Variants in WWP1 observed in about 807,000 individuals in gnomAD.
WWP1 encodes NEDD4-like E3 ubiquitin-protein ligase WWP1.
In WWP1, 49 loss-of-function variants were observed where a neutral mutation model predicts 130.6. That is an observed-to-expected ratio of 0.38 (90% CI 0.30 to 0.48). The LOEUF (loss-of-function observed/expected upper bound fraction) is 0.48. WWP1 is among the 20% of genes least tolerant of loss of function. The pLI is 0.99. For synonymous variants in WWP1, 332 were observed against 367.8 expected (o/e 0.90, Z 1.11); for missense variants, 809 against 1,100.6 (o/e 0.74, Z 3.75).
intron 1 of WWP1, among the ~76,000 whole-genome samples, chr8:86,360,875 A>G (rs923453492): frequency 6.6e-6 from 1 of 152,202 alleles, no homozygotes; most frequent in East Asian, 1.9e-4. Flanking sequence ...TGAAGAGATC[A>G]TATATAAGTT....
chr8:86,409,546 T>C lies in WWP1; in HGVS notation c.725-1992T>C, dbSNP rs185889597. On this transcript the variant is annotated intron_variant, in intron 8 of 24. Transcript: ENST00000517970. ...ACTGTGCCCAGCCCTGATTTTACTTTATTCTTGATCTTAATAGAAGTTCTT... is the reference window on the plus strand; with the variant it reads ...ACTGTGCCCAGCCCTGATTTTACTTCATTCTTGATCTTAATAGAAGTTCTT... Among the ~76,000 whole-genome samples the C allele has an allele frequency of 6.6e-3, 990 of 151,136 alleles. 10 individuals are homozygous for C. The highest frequency in any genetic ancestry group is 0.023 in the African/African-American group (949 of 41,384).
At chr8:86,367,871 ACT>A (rs1020374095) in intron 1 of WWP1, among the ~76,000 whole-genome samples, 4 of 152,156 alleles carry the variant, frequency 2.6e-5, no homozygotes, top group African/African-American at 9.7e-5. Context: ...TTTGATCAGC[ACT>A]CTCTCATTCT....
chr8:86,429,094 G>A (rs755988712), intron 11 of WWP1, among the ~76,000 whole-genome samples: 1 of 152,116 alleles, frequency 6.6e-6, no homozygotes, highest in Non-Finnish European at 1.5e-5. Context: ...CATCCATATC[G>A]CACTTCAGGC....
intron 3 of WWP1, among the ~76,000 whole-genome samples, chr8:86,374,854 T>C (rs947014953): frequency 2.6e-5 from 4 of 152,124 alleles, no homozygotes; most frequent in African/African-American, 9.7e-5. Flanking sequence ...GGACTGCAGA[T>C]GTTCAACACC....
At chr8:86,385,337 T>A (rs1039937885) in intron 5 of WWP1, among the ~76,000 whole-genome samples, 2 of 152,118 alleles carry the variant, frequency 1.3e-5, no homozygotes, top group African/African-American at 4.8e-5. Flanking sequence ...AGGGATGTAG[T>A]GAAAGAGGAA....
chr8:86,390,951 T>C (rs1807300618), intron 5 of WWP1, among the ~76,000 whole-genome samples: 1 of 152,296 alleles, frequency 6.6e-6, no homozygotes, highest in African/African-American at 2.4e-5. Context: ...TCTTTTCTGA[T>C]ATATTTGGGG....
At chr8:86,353,079 A>T (rs1319246169) in intron 1 of WWP1, among the ~76,000 whole-genome samples, 1 of 152,204 alleles carries the variant, frequency 6.6e-6, no homozygotes, top group African/African-American at 2.4e-5. Context: ...TGGTCTTTTG[A>T]CTAGAAAGTA....
rs1364170720 is a variant in WWP1, at chr8:86,425,325, T to C, written c.1157+7T>C. 1.9e-6 allele frequency: 3 copies of C among 1,594,778 alleles called. No individual in the cohort carries two copies. Among genetic ancestry groups the C allele is most frequent in the East Asian group, 2.2e-5 (1 of 44,638 alleles). The stretch of plus-strand genomic sequence containing the variant: ...CACAACCTTTACCTCCAGGGTAATA[T>C]AGCACTCTTTATGCATTTGTAATTA... On this transcript the variant is annotated splice_region_variant and intron_variant, in intron 10 of 24. Transcript: ENST00000517970.
rs778652077 is a variant in WWP1, at chr8:86,427,642, G to T, written c.1158-1G>T. Reference sequence around the variant, plus strand: ...TGTTTATTATTGTTTACTTGTGGTAGTTGGGAAAGAAGAGTTGATGATCGT... The same window carrying T: ...TGTTTATTATTGTTTACTTGTGGTATTTGGGAAAGAAGAGTTGATGATCGT... On this transcript the variant is annotated splice_acceptor_variant, in intron 10 of 24. Transcript: ENST00000517970. LOFTEE classifies it high-confidence loss of function. The T allele has an allele frequency of 1.3e-6, 2 of 1,598,736 alleles. No homozygotes were observed. Among genetic ancestry groups the T allele is most frequent in the Non-Finnish European group, 1.7e-6 (2 of 1,170,492 alleles).
intron 8 of WWP1, among the ~76,000 whole-genome samples, chr8:86,405,340 T>C (rs1017037508): frequency 1.3e-5 from 2 of 151,748 alleles, no homozygotes; most frequent in African/African-American, 2.4e-5. Flanking sequence ...TTTTTTTTTT[T>C]TTTTTTTGGT....
chr8:86,392,257 A>T (rs1807389471), intron 5 of WWP1, among the ~76,000 whole-genome samples: 1 of 152,192 alleles, frequency 6.6e-6, no homozygotes, highest in Non-Finnish European at 1.5e-5. Context: ...CTAGAGTTTG[A>T]TTAAAGAGAG....
At chr8:86,363,135 C>G (rs146663057) in intron 1 of WWP1, among the ~76,000 whole-genome samples, 28 of 152,180 alleles carry the variant, frequency 1.8e-4, no homozygotes, top group African/African-American at 6.0e-4. Flanking sequence ...AGTCTCCATT[C>G]TACAATATGG....
chr8:86,377,680 C>T (rs1356068026), intron 3 of WWP1, among the ~76,000 whole-genome samples: 1 of 152,024 alleles, frequency 6.6e-6, no homozygotes, highest in East Asian at 1.9e-4. Flanking sequence ...AATGTACCAG[C>T]TACTCAAGGA....
intron 5 of WWP1, among the ~76,000 whole-genome samples, chr8:86,391,012 G>T (rs901201533): frequency 6.6e-6 from 1 of 151,776 alleles, no homozygotes; most frequent in South Asian, 2.1e-4. Context: ...TATTTTTGAA[G>T]TTTTTTTTAA....
chr8:86,385,078 A>G (rs1031500484), intron 5 of WWP1, among the ~76,000 whole-genome samples: 1 of 152,250 alleles, frequency 6.6e-6, no homozygotes, highest in South Asian at 2.1e-4. Flanking sequence ...CCCAAGAAAA[A>G]CATGACATCC....
At chr8:86,449,978 A>C (rs1404011466) in intron 20 of WWP1, among the ~76,000 whole-genome samples, 1 of 152,246 alleles carries the variant, frequency 6.6e-6, no homozygotes, top group African/African-American at 2.4e-5. Flanking sequence ...CAAACAAGAC[A>C]GCAGAAAACT....
intron 5 of WWP1, among the ~76,000 whole-genome samples, chr8:86,392,832 G>C (rs2130449415): frequency 6.6e-6 from 1 of 152,258 alleles, no homozygotes; most frequent in Middle Eastern, 3.4e-3. Flanking sequence ...TGATGTAAGT[G>C]CCTCTTTATT....
chr8:86,427,460 GA>G (rs1225693239), intron 10 of WWP1, among the ~76,000 whole-genome samples, 182 bp from the exon 11 acceptor site: 3 of 151,498 alleles, frequency 2.0e-5, no homozygotes, highest in Admixed American at 6.6e-5. Context: ...GTGATTAAAG[GA>G]AAAAAAAGAT....
In WWP1 at chr8:86,374,102, T is replaced by C. The variant is rs1824488043; in HGVS notation, c.52T>C (p.Leu18=). The C allele has an allele frequency of 6.2e-7, 1 of 1,608,710 alleles. No homozygotes were observed. The highest frequency in any genetic ancestry group is 8.5e-7 in the Non-Finnish European group (1 of 1,178,122). The stretch of plus-strand genomic sequence containing the variant: ...TACTAGTAATAACCACAGTGGAAGG[T>C]TGCAGTTACAGGTAACTGGTAAGTT... The part of the protein sequence containing the change: ...SDTSNNHSGR[L]QLQVTVSSAK... Residue 18 remains leucine, a synonymous_variant, in exon 3 of 25, where the codon TTG becomes CTG. Transcript: ENST00000517970.
Sources: allele counts gnomAD v4.1 joint callset (sites outside exome capture counted in the v4.1 genomes callset), GRCh38; gene constraint gnomAD v4.1.1; transcripts MANE v1.5; gene names NCBI Gene and HGNC (gene_info 2026-07-23, HGNC 2026-07-21).